Variants in GRIK2 observed in about 807,000 individuals in gnomAD.
GRIK2 encodes the protein glutamate receptor ionotropic, kainate 2.
GRIK2 carries 32 observed loss-of-function variants against 100.3 expected under a neutral mutation model. That is an observed-to-expected ratio of 0.32 (90% CI 0.24 to 0.43). GRIK2 has a LOEUF of 0.43. Among genes scored for constraint, GRIK2 ranks in the 20% least tolerant of loss-of-function variants. The pLI is 1.00. For synonymous variants in GRIK2, 417 were observed against 389.4 expected, an observed-to-expected ratio of 1.07 and a Z score of -0.83; for missense variants, 843 against 1,114.9, an observed-to-expected ratio of 0.76 and a Z score of 3.47.
intron 7 of GRIK2, among the ~76,000 whole-genome samples, chr6:101,697,429 G>A (rs1264209255): frequency 6.6e-6 from 1 of 151,426 alleles, no homozygotes; most frequent in East Asian, 1.9e-4. Context: ...CTTAAAACTT[G>A]AATCCAGTAG....
At chr6:101,712,752 A>G (rs1342917270) in intron 7 of GRIK2, among the ~76,000 whole-genome samples, 1 of 151,756 alleles carries the variant, frequency 6.6e-6, no homozygotes, top group Non-Finnish European at 1.5e-5. Flanking sequence ...TGACTAGAAA[A>G]TTCTTGCTCA....
chr6:101,930,462 C>T (rs1790198369), intron 14 of GRIK2, among the ~76,000 whole-genome samples: 1 of 152,108 alleles, frequency 6.6e-6, no homozygotes, highest in Admixed American at 6.5e-5. Flanking sequence ...TTCCAATATC[C>T]AAGTGACTTT....
At chr6:102,055,727 AATATT>A (rs985280375) in intron 16 of GRIK2, 147 bp downstream of exon 16, 3 of 552,302 alleles carry the variant, frequency 5.4e-6, no homozygotes, top group African/African-American at 3.8e-5. Context: ...TACATAACAA[AATATT>A]ATATTTTGTG....
rs562798999 is a variant in GRIK2 at position 101,710,711 on chromosome 6, C to T, written c.951+24358C>T. ...TCAATCCTACAGTTTCCTTCCTTTC[C>T]GCGTAGGCTGTCTTCACCTGGGGTC... On this transcript the variant is annotated intron_variant, in intron 7 of 16. Coordinates refer to ENST00000369134, the MANE Select transcript of GRIK2 (RefSeq NM_021956.5). Among the ~76,000 whole-genome samples the T allele has an allele frequency of 1.6e-4, 24 of 151,844 alleles. No homozygotes were observed. In the South Asian group the frequency reaches 1.7e-3, roughly 10 times the overall value.
intron 10 of GRIK2, among the ~76,000 whole-genome samples, chr6:101,821,389 C>T (rs1781939873): frequency 6.6e-6 from 1 of 152,042 alleles, no homozygotes; most frequent in African/African-American, 2.4e-5. Flanking sequence ...CCATTTGAAA[C>T]AGTATTTCTG....
At chr6:101,878,936 A>C (rs1272232490) in intron 11 of GRIK2, among the ~76,000 whole-genome samples, 1 of 152,006 alleles carries the variant, frequency 6.6e-6, no homozygotes, top group Non-Finnish European at 1.5e-5. Context: ...AGTAGTTTAT[A>C]CCTACAGAGA....
At chr6:101,851,957 C>A (rs75454261) in intron 10 of GRIK2, among the ~76,000 whole-genome samples, 2,306 of 129,640 alleles carry the variant, frequency 0.018, no homozygotes, top group Non-Finnish European at 0.021. Context: ...TGACTATGGG[C>A]AAAAAAAAAA....
intron 14 of GRIK2, among the ~76,000 whole-genome samples, chr6:101,965,029 A>G (rs1462248178): frequency 1.3e-5 from 2 of 152,144 alleles, no homozygotes. Flanking sequence ...GGAGAGATGC[A>G]TCTAAGCTCT....
chr6:101,716,491 AG>A (rs1221646575), intron 7 of GRIK2, among the ~76,000 whole-genome samples: 1 of 150,424 alleles, frequency 6.6e-6, no homozygotes, highest in African/African-American at 2.4e-5. Context: ...TGAGTTAAAC[AG>A]GTTAAAAGAA....
intron 12 of GRIK2, among the ~76,000 whole-genome samples, chr6:101,894,922 A>G (rs1787343462): frequency 6.6e-6 from 1 of 151,762 alleles, no homozygotes; most frequent in African/African-American, 2.4e-5. Flanking sequence ...AATGGTACAC[A>G]CATATCCCTC....
At chr6:101,791,086 A>G (rs1254954286) in intron 7 of GRIK2, among the ~76,000 whole-genome samples, 1 of 151,550 alleles carries the variant, frequency 6.6e-6, no homozygotes, top group African/African-American at 2.4e-5. Context: ...CGTCTATTTG[A>G]TTCTTCTCTC....
intron 1 of GRIK2, among the ~76,000 whole-genome samples, chr6:101,397,775 A>T (rs915231184): frequency 2.0e-4 from 30 of 152,128 alleles, no homozygotes; most frequent in African/African-American, 7.0e-4. Context: ...GTGAGATTTA[A>T]CCTATGCCCT....
At chr6:101,665,159 G>C (rs1330190027) in intron 4 of GRIK2, among the ~76,000 whole-genome samples, 3 of 152,182 alleles carry the variant, frequency 2.0e-5, no homozygotes, top group Non-Finnish European at 4.4e-5. Flanking sequence ...CCTTGGCATT[G>C]TTATAGGGCT....
chr6:101,509,399 T>G (rs1425409216), intron 2 of GRIK2, among the ~76,000 whole-genome samples: 1 of 152,102 alleles, frequency 6.6e-6, no homozygotes, highest in Non-Finnish European at 1.5e-5. Flanking sequence ...GTGTGCTGAG[T>G]TACTGAATTT....
chr6:101,920,092 G>T (rs1001500859), intron 12 of GRIK2, among the ~76,000 whole-genome samples: 3 of 151,884 alleles, frequency 2.0e-5, no homozygotes, highest in Admixed American at 6.6e-5. Context: ...AAAGGGAAAA[G>T]ATGTGCATTA....
intron 2 of GRIK2, among the ~76,000 whole-genome samples, chr6:101,582,166 C>G (rs1399480539): frequency 6.6e-6 from 1 of 151,950 alleles, no homozygotes; most frequent in Non-Finnish European, 1.5e-5. Flanking sequence ...GTTTGCTGCA[C>G]CCATCAATCC....
chr6:101,899,096 G>GTTTTTTTTTTTTTT (rs1372120727), intron 12 of GRIK2, among the ~76,000 whole-genome samples: 1 of 133,068 alleles, frequency 7.5e-6, no homozygotes, highest in African/African-American at 2.8e-5. Context: ...TCTTTTTGTT[G>GTTTTTTTTTTTTTT]TTTTTGTTTT....
chr6:101,646,426 G>A (rs937249413), intron 4 of GRIK2, among the ~76,000 whole-genome samples: 1 of 151,724 alleles, frequency 6.6e-6, no homozygotes, highest in African/African-American at 2.4e-5. Flanking sequence ...TAAAAAGTAA[G>A]CATAATTACA....
At chr6:101,605,674 G>A (rs748653149) in intron 2 of GRIK2, among the ~76,000 whole-genome samples, 1 of 151,820 alleles carries the variant, frequency 6.6e-6, no homozygotes. Context: ...GTAAAACTCC[G>A]TCTCCAAAAA....
Sources: gnomAD v4.1 joint callset for allele counts (sites outside exome capture counted in the v4.1 genomes callset) on GRCh38, gnomAD v4.1.1 for gene constraint, MANE v1.5 for transcripts, NCBI Gene and HGNC (gene_info 2026-07-23, HGNC 2026-07-21) for gene names.